Variants in LHFPL6 observed in about 807,000 individuals in gnomAD.
LHFPL6 encodes LHFPL tetraspan subfamily member 6 protein.
LHFPL6 carries 9 observed loss-of-function variants against 20.6 expected under a neutral mutation model. The ratio of observed to expected loss-of-function variants is 0.44; its 90% CI spans 0.26 to 0.76. LHFPL6 has a LOEUF of 0.76. LHFPL6 is among the 30% of genes least tolerant of loss of function. LHFPL6 has a pLI of 0.20. For missense variants in LHFPL6, 218 were observed against 253.5 expected, an observed-to-expected ratio of 0.86 and a Z score of 0.95; for synonymous variants, 105 against 98.7, an observed-to-expected ratio of 1.06 and a Z score of -0.38.
intron 3 of LHFPL6, among the ~76,000 whole-genome samples, chr13:39,346,487 T>C (rs1023362059): frequency 6.6e-6 from 1 of 152,202 alleles, no homozygotes. Flanking sequence ...TATATGAGTA[T>C]CATTCTCATC....
At chr13:39,546,878 A>T (rs1403355221) in intron 2 of LHFPL6, among the ~76,000 whole-genome samples, 2 of 152,070 alleles carry the variant, frequency 1.3e-5, no homozygotes, top group African/African-American at 4.8e-5. Context: ...CCTAAATTGC[A>T]AATCTGACAC....
chr13:39,483,565 T>C (rs1397816254), intron 2 of LHFPL6, among the ~76,000 whole-genome samples: 3 of 151,650 alleles, frequency 2.0e-5, no homozygotes, highest in Non-Finnish European at 2.9e-5. Context: ...ATTCTAATGA[T>C]ACCATGAAAC....
chr13:39,421,136 G>A (rs1048645616), intron 2 of LHFPL6, among the ~76,000 whole-genome samples: 1 of 151,952 alleles, frequency 6.6e-6, no homozygotes, highest in Non-Finnish European at 1.5e-5. Flanking sequence ...GTGAATGCCC[G>A]TTTACTCTCC....
At chr13:39,537,860 C>A (rs913633966) in intron 2 of LHFPL6, among the ~76,000 whole-genome samples, 12 of 152,134 alleles carry the variant, frequency 7.9e-5, no homozygotes, top group Non-Finnish European at 1.5e-5. Context: ...GAGTCAAGAT[C>A]AGGTTACCAC....
chr13:39,378,476 C>A lies in LHFPL6; in HGVS notation c.436G>T (p.Glu146Ter), dbSNP rs758358628. Residue 146 changes from glutamate (E) to a stop codon, truncating the protein, a stop_gained, in exon 3 of 4, where the codon GAG becomes TAG. Transcript: ENST00000379589. LOFTEE classifies it high-confidence loss of function. ...TAGCCACAAGTCTGCCGGACTTCCT[C>A]ACTGTCCCAGCCCAAGGGGTAGAGG... ...CALYPLGWDS[E>*]EVRQTCGYTS... 2 of 1,614,056 alleles carry A rather than the reference C, an allele frequency of 1.2e-6. No individual in the cohort carries two copies. Among genetic ancestry groups the A allele is most frequent in the Admixed American group, 1.7e-5 (1 of 60,010 alleles).
intron 2 of LHFPL6, among the ~76,000 whole-genome samples, chr13:39,504,585 T>C (rs1490250452): frequency 6.6e-6 from 1 of 152,214 alleles, no homozygotes; most frequent in African/African-American, 2.4e-5. Context: ...TTCTTGCTCA[T>C]CCTACATGGT....
At chr13:39,404,169 A>G (rs1034002071) in intron 2 of LHFPL6, among the ~76,000 whole-genome samples, 3 of 152,312 alleles carry the variant, frequency 2.0e-5, no homozygotes, top group South Asian at 4.1e-4. Context: ...TACATGTTTT[A>G]TAACCTAGTA....
intron 2 of LHFPL6, among the ~76,000 whole-genome samples, chr13:39,588,311 C>G (rs1346480860): frequency 6.6e-6 from 1 of 152,334 alleles, no homozygotes; most frequent in East Asian, 1.9e-4. Context: ...CATTATTTGA[C>G]ATACAGTGGG....
At chr13:39,407,460 A>G (rs1047217182) in intron 2 of LHFPL6, among the ~76,000 whole-genome samples, 12 of 152,216 alleles carry the variant, frequency 7.9e-5, no homozygotes, top group African/African-American at 1.2e-4. Context: ...TTCACTAACT[A>G]TTCTTGATCC....
chr13:39,557,858 T>A (rs1400295379), intron 2 of LHFPL6, among the ~76,000 whole-genome samples: 1 of 152,174 alleles, frequency 6.6e-6, no homozygotes, highest in Non-Finnish European at 1.5e-5. Flanking sequence ...GATGAGTGAG[T>A]TCTTGCCCAG....
chr13:39,483,695 A>T (rs1300328245), intron 2 of LHFPL6, among the ~76,000 whole-genome samples: 4 of 152,140 alleles, frequency 2.6e-5, no homozygotes, highest in Non-Finnish European at 5.9e-5. Context: ...GAAGCACCAA[A>T]ATCAATGCAG....
At chr13:39,539,256 C>G (rs1006476169) in intron 2 of LHFPL6, among the ~76,000 whole-genome samples, 2 of 151,796 alleles carry the variant, frequency 1.3e-5, no homozygotes, top group Non-Finnish European at 2.9e-5. Context: ...TATTATCTGC[C>G]AAGTGTTTTC....
chr13:39,509,757 T>C (rs965221851), intron 2 of LHFPL6, among the ~76,000 whole-genome samples: 1 of 151,958 alleles, frequency 6.6e-6, no homozygotes, highest in Non-Finnish European at 1.5e-5. Context: ...TCCAGAAATT[T>C]GAGACCAGCC....
At chr13:39,428,581 T>G (rs1275315361) in intron 2 of LHFPL6, among the ~76,000 whole-genome samples, 1 of 152,182 alleles carries the variant, frequency 6.6e-6, no homozygotes, top group Admixed American at 6.5e-5. Flanking sequence ...TTGTATCTTT[T>G]CTACTCTTCT....
intron 2 of LHFPL6, among the ~76,000 whole-genome samples, chr13:39,577,726 G>A (rs886218131): frequency 1.3e-5 from 2 of 152,116 alleles, no homozygotes; most frequent in Admixed American, 6.6e-5. Context: ...CCGCCTCCCA[G>A]GTTCAAGTGA....
intron 3 of LHFPL6, among the ~76,000 whole-genome samples, chr13:39,375,014 A>T (rs145961174): frequency 3.5e-4 from 54 of 152,284 alleles, no homozygotes; most frequent in South Asian, 1.0e-3. Flanking sequence ...ATCAGAGAGT[A>T]ACAACATATC....
chr13:39,490,478 C>T (rs73462893), intron 2 of LHFPL6, among the ~76,000 whole-genome samples: 2,720 of 152,294 alleles, frequency 0.018, 83 homozygotes, highest in African/African-American at 0.062. Context: ...GTACAGCAGT[C>T]TCTGTGTTAA....
chr13:39,471,024 T>C (rs1872930384), intron 2 of LHFPL6, among the ~76,000 whole-genome samples: 2 of 152,104 alleles, frequency 1.3e-5, no homozygotes, highest in South Asian at 2.1e-4. Flanking sequence ...ATGAACTACA[T>C]AGTTGAGGAA....
intron 2 of LHFPL6, among the ~76,000 whole-genome samples, chr13:39,485,920 C>T (rs539541370): frequency 6.2e-4 from 95 of 152,232 alleles, no homozygotes; most frequent in African/African-American, 2.2e-3. Flanking sequence ...TCTAGACTAT[C>T]CAAAGCACCT....
Sources: gnomAD v4.1 joint callset for allele counts (sites outside exome capture counted in the v4.1 genomes callset) on GRCh38, gnomAD v4.1.1 for gene constraint, MANE v1.5 for transcripts, NCBI Gene and HGNC (gene_info 2026-07-23, HGNC 2026-07-21) for gene names.